The following TPO variants were observed in gnomAD, a reference collection of about 807,000 sequenced individuals.
TPO encodes the protein thyroid microsomal antigen.
TPO carries 78 observed loss-of-function variants against 96.9 expected under a neutral mutation model. The ratio of observed to expected loss-of-function variants is 0.81; its 90% CI spans 0.67 to 0.97. TPO has a LOEUF of 0.97. TPO is among the 50% of genes least tolerant of loss of function. TPO has a pLI of 0.00. For missense variants in TPO, 1,252 were observed against 1,274.8 expected, an observed-to-expected ratio of 0.98 and a Z score of 0.27; for synonymous variants, 547 against 538.0, an observed-to-expected ratio of 1.02 and a Z score of -0.23.
intron 7 of TPO, among the ~76,000 whole-genome samples, chr2:1,475,329 C>T (rs1669789269): frequency 6.6e-6 from 1 of 152,076 alleles, no homozygotes; most frequent in Non-Finnish European, 1.5e-5. Flanking sequence ...AATTTCAGCT[C>T]CTCCCTGGGT....
At chr2:1,377,891 C>G (rs1331837353) in intron 1 of TPO, among the ~76,000 whole-genome samples, 1 of 152,170 alleles carries the variant, frequency 6.6e-6, no homozygotes, top group Non-Finnish European at 1.5e-5. Context: ...TTCACTGTGT[C>G]CCCACCCAAA....
At chr2:1,455,723 G>A (rs1667726852) in intron 6 of TPO, among the ~76,000 whole-genome samples, 1 of 152,204 alleles carries the variant, frequency 6.6e-6, no homozygotes, top group African/African-American at 2.4e-5. Context: ...TCTGAGTCAT[G>A]AACTCAACTG....
rs553971185 is a variant in TPO at position 1,509,252 on chromosome 2, G to A, written c.2518+5173G>A. Reference sequence around the variant, plus strand: ...TTGATTGCACTGTGGTCGGAGAGACGGTTTGTTATTTCTGTTCTTTTACAT... The same window carrying A: ...TTGATTGCACTGTGGTCGGAGAGACAGTTTGTTATTTCTGTTCTTTTACAT... On this transcript the variant is annotated intron_variant, in intron 14 of 16. Coordinates refer to ENST00000329066, the MANE Select transcript of TPO (RefSeq NM_001206744.2). 3.9e-5 allele frequency among the ~76,000 whole-genome samples: 6 copies of A among 152,242 alleles called. No homozygotes were observed. The South Asian group carries it at 8.3e-4, about 21-fold the overall frequency.
intron 7 of TPO, among the ~76,000 whole-genome samples, chr2:1,461,875 AG>A (rs1458835115): frequency 6.6e-6 from 1 of 152,096 alleles, no homozygotes; most frequent in Non-Finnish European, 1.5e-5. Flanking sequence ...GGCCGTGGCG[AG>A]GAGCAGGATA....
intron 10 of TPO, among the ~76,000 whole-genome samples, chr2:1,488,887 C>A (rs965529938): frequency 6.6e-6 from 1 of 152,172 alleles, no homozygotes; most frequent in Admixed American, 6.5e-5. Flanking sequence ...TATCTGGGGA[C>A]TAAATGTGAG....
intron 13 of TPO, among the ~76,000 whole-genome samples, chr2:1,498,001 A>G (rs1187921402): frequency 6.6e-6 from 1 of 151,594 alleles, no homozygotes; most frequent in Non-Finnish European, 1.5e-5. Flanking sequence ...CAAAAAAAAA[A>G]AAAAAAAAAA....
chr2:1,477,841 C>T (rs913148684), intron 8 of TPO: 10 of 985,416 alleles, frequency 1.0e-5, no homozygotes, highest in East Asian at 2.3e-4. Context: ...AGGGTAACTC[C>T]GGAGCTGGCG....
intron 16 of TPO, 106 bp from the exon 17 acceptor site, chr2:1,542,315 G>C (rs572610987): frequency 6.8e-7 from 1 of 1,478,046 alleles, no homozygotes; most frequent in East Asian, 2.4e-5. Context: ...GCGGTCCTTT[G>C]TGAAAAGAGC....
At position 1,385,250 on chromosome 2, in the gene TPO, T is replaced by C. The variant is rs566450326; in HGVS notation, n.180+10848T>C. On this transcript the variant is annotated intron_variant and non_coding_transcript_variant, in intron 1 of 5. Transcript: ENST00000497517. The stretch of plus-strand genomic sequence containing the variant: ...AAATGAGTTAGGGAGGATTCCCTCT[T>C]TTTGTATTGATTGGAATAGTTTCAG... Among the ~76,000 whole-genome samples, 1,051 of 152,300 alleles carry C rather than the reference T, an allele frequency of 6.9e-3. 10 individuals are homozygous for C. Among genetic ancestry groups the C allele is most frequent in the African/African-American group, 0.023 (962 of 41,558 alleles).
At chr2:1,496,312 C>T in intron 12 of TPO, 115 bp downstream of exon 12, 3 of 1,318,904 alleles carry the variant, frequency 2.3e-6, no homozygotes, top group Non-Finnish European at 2.1e-6. Flanking sequence ...AGTGTCAACG[C>T]CCTGCCTTAC....
chr2:1,425,250 T>A (rs1334084555), intron 3 of TPO, among the ~76,000 whole-genome samples: 1 of 151,190 alleles, frequency 6.6e-6, no homozygotes, highest in Non-Finnish European at 1.5e-5. Flanking sequence ...CATTTCATAT[T>A]CTCAGAAGTC....
intron 15 of TPO, among the ~76,000 whole-genome samples, chr2:1,537,526 C>CCCAAATCCCCCCACT (rs1680075208): frequency 1.3e-5 from 1 of 75,648 alleles, no homozygotes; most frequent in Non-Finnish European, 2.6e-5. Flanking sequence ...GTGCAACCTC[C>CCCAAATCCCCCCACT]GCCTATCCCC....
intron 15 of TPO, among the ~76,000 whole-genome samples, chr2:1,523,103 C>A (rs1320177720): frequency 2.7e-5 from 4 of 148,670 alleles, no homozygotes; most frequent in Non-Finnish European, 6.0e-5. Context: ...CCAAATCCTG[C>A]GCACTCTGTG....
At chr2:1,518,885 C>T (rs948226901) in intron 15 of TPO, among the ~76,000 whole-genome samples, 4 of 152,192 alleles carry the variant, frequency 2.6e-5, no homozygotes, top group Non-Finnish European at 5.9e-5. Flanking sequence ...CAGAACGTAA[C>T]CTTATTTGGA....
chr2:1,464,272 TCA>T (rs1391717541), intron 7 of TPO, among the ~76,000 whole-genome samples: 2 of 152,180 alleles, frequency 1.3e-5, no homozygotes, highest in African/African-American at 4.8e-5. Flanking sequence ...ATATAAAAAA[TCA>T]CAGTTTCTTT....
rs562220650 is a variant in TPO, at chr2:1,451,407, A to C, written c.483-2287A>C. Among the ~76,000 whole-genome samples the C allele has an allele frequency of 2.2e-4, 33 of 152,360 alleles. No homozygotes were observed. The South Asian group carries it at 6.4e-3, about 30-fold the overall frequency. ...CAAAACCACTAATTTTTAAATATTT[A>C]TATTCCCAAACACTCCAAATGTTTT... On this transcript the variant is annotated intron_variant, in intron 5 of 16. Transcript: ENST00000329066.
intron 15 of TPO, among the ~76,000 whole-genome samples, chr2:1,517,496 G>A (rs1415227621): frequency 1.3e-5 from 2 of 152,088 alleles, no homozygotes; most frequent in East Asian, 1.9e-4. Flanking sequence ...AGCCCCTCGA[G>A]GCTTCCTCAG....
At chr2:1,397,504 T>C (rs1026083730) in intron 1 of TPO, among the ~76,000 whole-genome samples, 25 of 152,138 alleles carry the variant, frequency 1.6e-4, no homozygotes, top group African/African-American at 4.6e-4. Context: ...GACTCCCATC[T>C]CAAAGTTTGT....
intron 14 of TPO, among the ~76,000 whole-genome samples, chr2:1,506,525 T>C (rs1186641488): frequency 5.9e-5 from 9 of 152,254 alleles, no homozygotes; most frequent in East Asian, 1.9e-4. Context: ...TCCTATTTCT[T>C]CACATCCTCT....
Sources: allele counts gnomAD v4.1 joint callset (sites outside exome capture counted in the v4.1 genomes callset), GRCh38; gene constraint gnomAD v4.1.1; transcripts MANE v1.5; gene names NCBI Gene and HGNC (gene_info 2026-07-23, HGNC 2026-07-21).